PIK3C2G: variants seen among roughly 807,000 people sequenced by gnomAD.
PIK3C2G encodes phosphatidylinositol-4-phosphate 3-kinase catalytic subunit type 2 gamma, also known as phosphatidylinositol 3-kinase C2 domain-containing subunit gamma.
A neutral mutation model predicts 181.1 loss-of-function variants in PIK3C2G; 168 were observed. The ratio of observed to expected loss-of-function variants is 0.93; its 90% confidence interval spans 0.82 to 1.05. The LOEUF is 1.05. PIK3C2G is among the 50% of genes least tolerant of loss of function. PIK3C2G has a pLI of 0.00. For synonymous variants in PIK3C2G, 573 were observed against 592.2 expected, an observed-to-expected ratio of 0.97 and a Z score of 0.47; for missense variants, 1,869 against 1,732.8, an observed-to-expected ratio of 1.08 and a Z score of -1.40.
intron 1 of PIK3C2G, among the ~76,000 whole-genome samples, chr12:18,267,133 G>A (rs1435241840): frequency 6.6e-6 from 1 of 151,646 alleles, no homozygotes; most frequent in African/African-American, 2.4e-5. Context: ...CTCTTATTCT[G>A]TATTCATAGT....
intron 18 of PIK3C2G, among the ~76,000 whole-genome samples, chr12:18,487,669 G>A (rs553154126): frequency 2.6e-4 from 39 of 152,096 alleles, no homozygotes; most frequent in East Asian, 1.7e-3. Context: ...TCACTTCGTC[G>A]TGATTTATGC....
chr12:18,332,754 GCTC>G (rs762408686), intron 8 of PIK3C2G, among the ~76,000 whole-genome samples: 6 of 152,220 alleles, frequency 3.9e-5, no homozygotes, highest in Admixed American at 1.3e-4. Context: ...AGGGTTTGCT[GCTC>G]CTCCTCGTGC....
intron 8 of PIK3C2G, among the ~76,000 whole-genome samples, chr12:18,330,989 T>A (rs1356818872): frequency 6.6e-6 from 1 of 152,224 alleles, no homozygotes; most frequent in African/African-American, 2.4e-5. Flanking sequence ...GAAGTTTGCA[T>A]ACTATATTTT....
intron 5 of PIK3C2G, among the ~76,000 whole-genome samples, chr12:18,309,576 G>A (rs940842125): frequency 4.0e-5 from 6 of 151,744 alleles, no homozygotes; most frequent in African/African-American, 1.4e-4. Flanking sequence ...ACTCAAGCAA[G>A]TACAAGAGGG....
chr12:18,417,746 TTAAAAAAA>T (rs145834595), intron 16 of PIK3C2G, among the ~76,000 whole-genome samples: 15,453 of 150,638 alleles, frequency 0.1, 1,120 homozygotes, highest in Admixed American at 0.26. Context: ...TTTACATACA[TTAAAAAAA>T]ACAAAAAAAA....
At position 18,424,419 on chromosome 12, in the gene PIK3C2G, A is replaced by C. The variant is rs12322673; in HGVS notation, c.2504+380A>C. 3.4e-3 allele frequency among the ~76,000 whole-genome samples: 520 copies of C among 152,332 alleles called. 2 individuals are homozygous for C. The highest frequency in any genetic ancestry group is 0.012 in the African/African-American group (485 of 41,566). On this transcript the variant is annotated intron_variant, in intron 18 of 32. Coordinates refer to ENST00000538779, the MANE Select transcript of PIK3C2G (RefSeq NM_001288772.2). ...TGTGGTATAAAAATACTTTCTGTGC[A>C]ATATTAGTTATAAACCATAAAATTC...
At chr12:18,506,857 C>T (rs942182975) in intron 24 of PIK3C2G, among the ~76,000 whole-genome samples, 1 of 152,042 alleles carries the variant, frequency 6.6e-6, no homozygotes, top group Non-Finnish European at 1.5e-5. Flanking sequence ...ATATTTCTTA[C>T]AAGATAATGT....
rs1948939778 is a variant in PIK3C2G at position 18,275,378 on chromosome 12, C to G, written c.-78-6626C>G. 3.3e-5 allele frequency among the ~76,000 whole-genome samples: 5 copies of G among 151,906 alleles called. No individual in the cohort carries two copies. The South Asian group carries it at 1.0e-3, about 32-fold the overall frequency. On this transcript the variant is annotated intron_variant, in intron 1 of 32. Coordinates refer to ENST00000538779, the MANE Select transcript of PIK3C2G (RefSeq NM_001288772.2). ...TTATATTCCACATCTTTTTTATCCT[C>G]TTAATTTATTTATTTTTTTTGAGAT...
chr12:18,690,043 T>C, the PIK3C2G span, among the ~76,000 whole-genome samples: 1 of 152,102 alleles, frequency 6.6e-6, no homozygotes, highest in African/African-American at 2.4e-5. Context: ...TTGTGAGCAT[T>C]TGTGCACACT....
At chr12:18,245,997 A>G (rs1310777887), upstream of PIK3C2G, among the ~76,000 whole-genome samples, 1 of 152,170 alleles carries the variant, frequency 6.6e-6, no homozygotes, top group Non-Finnish European at 1.5e-5. Flanking sequence ...GCTTATCAAG[A>G]ATAAAATATA....
intron 25 of PIK3C2G, 22 bp from the exon 26 acceptor site, chr12:18,546,301 G>T (rs1288084907): frequency 3.0e-6 from 4 of 1,339,790 alleles, no homozygotes; most frequent in Admixed American, 1.9e-5. Context: ...TTTTTGCTTT[G>T]CTTGTTCTTG....
chr12:18,603,742 C>T (rs1947856438), intron 30 of PIK3C2G, among the ~76,000 whole-genome samples: 1 of 152,138 alleles, frequency 6.6e-6, no homozygotes, highest in African/African-American at 2.4e-5. Context: ...AAACAATTAT[C>T]AGCCAAGAGT....
intron 9 of PIK3C2G, among the ~76,000 whole-genome samples, chr12:18,339,603 CAA>C (rs369127519): frequency 6.6e-6 from 1 of 152,020 alleles, no homozygotes; most frequent in African/African-American, 2.4e-5. Flanking sequence ...TTGAAATTTT[CAA>C]AAGACTGATT....
intron 17 of PIK3C2G, among the ~76,000 whole-genome samples, chr12:18,423,189 G>A (rs1280628303): frequency 6.6e-6 from 1 of 151,292 alleles, no homozygotes; most frequent in African/African-American, 2.4e-5. Context: ...GACTTAAATG[G>A]TTTATCAAAC....
chr12:18,699,835 G>T, the PIK3C2G span: 2 of 1,613,346 alleles, frequency 1.2e-6, no homozygotes, highest in Admixed American at 1.7e-5. Context: ...CTCCCCAATA[G>T]AATTATTTTC....
At chr12:18,266,382 A>G (rs1257695529) in intron 1 of PIK3C2G, among the ~76,000 whole-genome samples, 1 of 152,172 alleles carries the variant, frequency 6.6e-6, no homozygotes, top group African/African-American at 2.4e-5. Context: ...AAGACAGAAC[A>G]CTTAACATGC....
At chr12:18,546,485 A>G (rs948486923) in intron 26 of PIK3C2G, 53 bp downstream of exon 26, 2 of 948,658 alleles carry the variant, frequency 2.1e-6, no homozygotes, top group Non-Finnish European at 3.3e-6. Context: ...ACGCAGACAC[A>G]TGTTCCACAG....
chr12:18,504,167 T>A (rs2136115888), intron 23 of PIK3C2G, among the ~76,000 whole-genome samples: 1 of 152,294 alleles, frequency 6.6e-6, no homozygotes, highest in Middle Eastern at 3.4e-3. Flanking sequence ...CTGGGATGAT[T>A]GGTCACCCTA....
At chr12:18,565,992 G>T (rs776973031) in intron 28 of PIK3C2G, among the ~76,000 whole-genome samples, 2 of 151,924 alleles carry the variant, frequency 1.3e-5, no homozygotes, top group Non-Finnish European at 2.9e-5. Context: ...TCAATTGATT[G>T]TATACTGGTA....
Sources: allele counts gnomAD v4.1 joint callset (sites outside exome capture counted in the v4.1 genomes callset), GRCh38; gene constraint gnomAD v4.1.1; transcripts MANE v1.5; gene names NCBI Gene and HGNC (gene_info 2026-07-23, HGNC 2026-07-21).